Variants in CADM2 observed in about 807,000 individuals in gnomAD.
CADM2 encodes the protein cell adhesion molecule 2.
Under a neutral mutation model 49.8 loss-of-function variants are expected in CADM2, and 12 were observed. The ratio of observed to expected loss-of-function variants is 0.24; its 90% CI spans 0.15 to 0.39. The LOEUF (loss-of-function observed/expected upper bound fraction) is 0.39, where lower values mean the gene tolerates loss of function less well. Among genes scored for constraint, CADM2 ranks in the 10% least tolerant of loss-of-function variants. The pLI is 1.00. For synonymous variants in CADM2, 214 were observed against 175.4 expected (o/e 1.22, Z -1.74); for missense variants, 378 against 492.3 (o/e 0.77, Z 2.20).
intron 1 of CADM2, among the ~76,000 whole-genome samples, chr3:85,147,136 A>G (rs544467657): frequency 1.1e-4 from 17 of 151,888 alleles, no homozygotes; most frequent in South Asian, 1.0e-3. Context: ...TTAGCCGGGC[A>G]TGGTGGCGGG....
intron 1 of CADM2, among the ~76,000 whole-genome samples, chr3:85,685,001 C>T (rs1370609742): frequency 1.3e-5 from 2 of 152,146 alleles, no homozygotes; most frequent in Non-Finnish European, 2.9e-5. Context: ...CGGTAGCTCT[C>T]GCCTGTAATC....
At chr3:85,823,360 G>A (rs2073710585) in intron 3 of CADM2, among the ~76,000 whole-genome samples, 1 of 152,066 alleles carries the variant, frequency 6.6e-6, no homozygotes, top group African/African-American at 2.4e-5. Flanking sequence ...GCAGTACCTT[G>A]GTTTATGGTC....
chr3:85,723,229 A>C (rs958974115), intron 1 of CADM2, among the ~76,000 whole-genome samples: 1 of 152,190 alleles, frequency 6.6e-6, no homozygotes, highest in Non-Finnish European at 1.5e-5. Context: ...TGTTATAGTA[A>C]CAATTTGCTG....
chr3:85,925,637 G>A (rs1045794246), intron 6 of CADM2, among the ~76,000 whole-genome samples: 12 of 152,112 alleles, frequency 7.9e-5, no homozygotes, highest in Admixed American at 7.9e-4. Flanking sequence ...TTGAGGTGTG[G>A]ATTGAGTTTG....
chr3:85,214,014 T>C (rs1230899938), intron 1 of CADM2, among the ~76,000 whole-genome samples: 1 of 152,204 alleles, frequency 6.6e-6, no homozygotes, highest in African/African-American at 2.4e-5. Flanking sequence ...AATGTAGATA[T>C]TTTGAATTCT....
chr3:85,132,642 A>ATTTTTT (rs201881387), intron 1 of CADM2, among the ~76,000 whole-genome samples: 15 of 151,626 alleles, frequency 9.9e-5, no homozygotes, highest in Admixed American at 4.0e-4. Flanking sequence ...ATATATATAT[A>ATTTTTT]TTTAGTCATT....
chr3:85,893,683 G>A (rs1468465523), intron 5 of CADM2, among the ~76,000 whole-genome samples: 1 of 152,140 alleles, frequency 6.6e-6, no homozygotes, highest in Non-Finnish European at 1.5e-5. Context: ...AAAAGTGGGT[G>A]AAGGATATGA....
At chr3:85,632,291 G>A (rs983454778) in intron 1 of CADM2, among the ~76,000 whole-genome samples, 6 of 152,070 alleles carry the variant, frequency 3.9e-5, no homozygotes, top group African/African-American at 1.4e-4. Context: ...CCATGATTGT[G>A]AAGGTTTCCC....
chr3:84,969,059 T>G (rs991376104), intron 1 of CADM2, among the ~76,000 whole-genome samples: 1 of 152,126 alleles, frequency 6.6e-6, no homozygotes, highest in South Asian at 2.1e-4. Flanking sequence ...TTGGCTTGTT[T>G]TGTATGTGTT....
At chr3:85,050,453 A>G (rs2035838726) in intron 1 of CADM2, among the ~76,000 whole-genome samples, 1 of 152,304 alleles carries the variant, frequency 6.6e-6, no homozygotes, top group East Asian at 1.9e-4. Context: ...AGATTTTTCC[A>G]TGACTTATTA....
intron 1 of CADM2, among the ~76,000 whole-genome samples, chr3:84,987,237 C>G (rs1011237592): frequency 6.6e-6 from 1 of 151,774 alleles, no homozygotes; most frequent in African/African-American, 2.4e-5. Flanking sequence ...TTCCATCTCC[C>G]GCAGATGCCC....
At chr3:85,498,582 A>G (rs567381495) in intron 1 of CADM2, among the ~76,000 whole-genome samples, 3 of 152,322 alleles carry the variant, frequency 2.0e-5, no homozygotes, top group Non-Finnish European at 2.9e-5. Flanking sequence ...ATGTCTGATC[A>G]TGTTACTCAA....
intron 7 of CADM2, among the ~76,000 whole-genome samples, chr3:85,940,986 G>C (rs552192196): frequency 6.6e-6 from 1 of 152,090 alleles, no homozygotes; most frequent in East Asian, 1.9e-4. Flanking sequence ...TGTTACATTT[G>C]TTGTAATCAA....
chr3:85,862,896 AT>A (rs1301188899), intron 3 of CADM2, among the ~76,000 whole-genome samples: 1 of 151,544 alleles, frequency 6.6e-6, no homozygotes, highest in Admixed American at 6.6e-5. Context: ...AACAACTCAA[AT>A]TTTTTTTTAC....
intron 8 of CADM2, among the ~76,000 whole-genome samples, chr3:85,978,239 T>C (rs1467097685): frequency 1.3e-5 from 2 of 151,644 alleles, no homozygotes; most frequent in South Asian, 2.1e-4. Flanking sequence ...CAATGTTCTC[T>C]GTGCTGCTCT....
chr3:85,863,304 G>A (rs1274354121), intron 3 of CADM2, among the ~76,000 whole-genome samples: 1 of 152,106 alleles, frequency 6.6e-6, no homozygotes, highest in African/African-American at 2.4e-5. Context: ...AAATCATGTG[G>A]TTATTTAATT....
Position 85,359,666 on chromosome 3 carries a change from A to ATATATATATATATATATTTTTTT in CADM2, c.62-366855_62-366854insATATATATATATATATTTTTTTT. Among the ~76,000 whole-genome samples, 180 of 26,522 alleles carry ATATATATATATATATATTTTTTT rather than the reference A, an allele frequency of 6.8e-3. 5 individuals carry two copies. Among genetic ancestry groups the ATATATATATATATATATTTTTTT allele is most frequent in the Non-Finnish European group, 0.011 (141 of 12,302 alleles). The allele number at this position is 26,522 out of a possible 152,430, so 17.4% of individuals were successfully genotyped here. A position where few individuals can be genotyped will look rare whatever the true frequency, so the allele number is the denominator to read the frequency against. On this transcript the variant is annotated intron_variant, in intron 1 of 9. Coordinates refer to ENST00000383699, the MANE Select transcript of CADM2 (RefSeq NM_001167675.2). ...TATATATATATATATATATATATATATTTTTTTTTTTGGTGGAGGGGAGAA... is the reference window on the plus strand; with the variant it reads ...TATATATATATATATATATATATATATATATATATATATATATTTTTTTTTTTTTTTTTTGGTGGAGGGGAGAA...
intron 2 of CADM2, among the ~76,000 whole-genome samples, chr3:85,751,480 ATTTCATGGAAAGGTT>A (rs2068858209): frequency 6.6e-6 from 1 of 152,134 alleles, no homozygotes; most frequent in Non-Finnish European, 1.5e-5. Context: ...CTATGTTCCT[ATTTCATGGAAAGGTT>A]ATTCAGAATT....
chr3:85,578,040 C>G (rs1035101100), intron 1 of CADM2, among the ~76,000 whole-genome samples: 3 of 149,862 alleles, frequency 2.0e-5, no homozygotes, highest in Non-Finnish European at 3.0e-5. Context: ...TTCTTCCCCC[C>G]CTTTCTTTCT....
Sources: gnomAD v4.1 joint callset for allele counts (sites outside exome capture counted in the v4.1 genomes callset) on GRCh38, gnomAD v4.1.1 for gene constraint, MANE v1.5 for transcripts, NCBI Gene and HGNC (gene_info 2026-07-23, HGNC 2026-07-21) for gene names.